COL11A1: variants seen among roughly 807,000 people sequenced by gnomAD.
COL11A1 encodes collagen type XI alpha 1 chain.
Under a neutral mutation model 265.2 loss-of-function variants are expected in COL11A1, and 74 were observed. That is an observed-to-expected ratio of 0.28 (90% CI 0.23 to 0.34). The LOEUF (loss-of-function observed/expected upper bound fraction) is 0.34. Among genes scored for constraint, COL11A1 ranks in the 10% least tolerant of loss-of-function variants. COL11A1 has a pLI of 1.00. For synonymous variants in COL11A1, 816 were observed against 727.6 expected (o/e 1.12, Z -1.96); for missense variants, 2,165 against 2,263.6 (o/e 0.96, Z 0.88).
intron 4 of COL11A1, among the ~76,000 whole-genome samples, chr1:103,057,534 A>T (rs921105110): frequency 8.5e-5 from 13 of 152,198 alleles, no homozygotes; most frequent in Non-Finnish European, 1.5e-5. Context: ...CAGATTCATC[A>T]TAGGAATCAC....
At chr1:102,887,855 G>T (rs1457157290) in intron 62 of COL11A1, among the ~76,000 whole-genome samples, 1 of 152,118 alleles carries the variant, frequency 6.6e-6, no homozygotes, top group African/African-American at 2.4e-5. Flanking sequence ...AAGAGACACA[G>T]GGGAAAGACA....
intron 42 of COL11A1, among the ~76,000 whole-genome samples, chr1:102,944,128 T>A (rs567958941): frequency 6.6e-6 from 1 of 152,274 alleles, no homozygotes; most frequent in East Asian, 1.9e-4. Flanking sequence ...AGGTCACATC[T>A]TGCCTTTCTT....
In COL11A1 at chr1:102,876,921, A is replaced by G. The variant is rs968241754; in HGVS notation, c.*1098T>C. 3 of 152,472 alleles carry G rather than the reference A, an allele frequency of 2.0e-5. No individual in the cohort carries two copies. Among genetic ancestry groups the G allele is most frequent in the Admixed American group, 2.0e-4 (3 of 15,254 alleles). 9.4% of individuals were successfully genotyped at this position (152,472 alleles called of 1,614,324 possible). A position where few individuals can be genotyped will look rare whatever the true frequency, so the allele number is the denominator to read the frequency against. ...TATAAAATTATCTTGAAAGGAAAAA[A>G]GTAATATTTGTTGGGCAAGTAAAAT... On this transcript the variant is annotated 3_prime_UTR_variant, in exon 67 of 67. Transcript: ENST00000370096.
intron 53 of COL11A1, among the ~76,000 whole-genome samples, 178 bp downstream of exon 53, chr1:102,913,456 TAAG>T (rs1475744137): frequency 6.6e-6 from 1 of 152,128 alleles, no homozygotes; most frequent in African/African-American, 2.4e-5. Flanking sequence ...TTACATCAAA[TAAG>T]AAACACTCCA....
intron 41 of COL11A1, among the ~76,000 whole-genome samples, chr1:102,951,754 TAAAATAAA>T (rs1044669831): frequency 2.3e-4 from 23 of 101,250 alleles, no homozygotes; most frequent in African/African-American, 9.3e-4. Context: ...AAAAATAAAA[TAAAATAAA>T]ATAAAATAAA....
intron 57 of COL11A1, among the ~76,000 whole-genome samples, chr1:102,892,289 A>G (rs925652660): frequency 3.3e-5 from 5 of 152,140 alleles, no homozygotes; most frequent in Admixed American, 6.6e-5. Flanking sequence ...ATCATGAGTC[A>G]CCACTATTGT....
At chr1:103,086,456 G>T (rs894601312) in intron 1 of COL11A1, among the ~76,000 whole-genome samples, 1 of 152,078 alleles carries the variant, frequency 6.6e-6, no homozygotes, top group Admixed American at 6.5e-5. Context: ...TTGCTCTGTT[G>T]CCCAGGCTGG....
At chr1:102,904,514 A>C (rs1381611237) in intron 54 of COL11A1, among the ~76,000 whole-genome samples, 1 of 152,038 alleles carries the variant, frequency 6.6e-6, no homozygotes, top group Non-Finnish European at 1.5e-5. Context: ...CAATGAACTC[A>C]AACAAATTTA....
At chr1:102,895,126 A>G (rs1652257633) in intron 57 of COL11A1, among the ~76,000 whole-genome samples, 1 of 152,204 alleles carries the variant, frequency 6.6e-6, no homozygotes, top group South Asian at 2.1e-4. Flanking sequence ...TAAATACTAT[A>G]TCACATCTGA....
chr1:103,016,219 A>G (rs1219972870), intron 11 of COL11A1, among the ~76,000 whole-genome samples: 1 of 151,956 alleles, frequency 6.6e-6, no homozygotes, highest in Non-Finnish European at 1.5e-5. Flanking sequence ...ACTATATTTT[A>G]ATAGACAATA....
At chr1:102,977,281 T>C (rs1411980767) in intron 35 of COL11A1, among the ~76,000 whole-genome samples, 1 of 152,144 alleles carries the variant, frequency 6.6e-6, no homozygotes, top group Non-Finnish European at 1.5e-5. Context: ...AAATGTCTCA[T>C]CAACCACAAG....
chr1:102,886,366 C>T (rs886775006), intron 63 of COL11A1, among the ~76,000 whole-genome samples: 5 of 152,116 alleles, frequency 3.3e-5, no homozygotes, highest in African/African-American at 4.8e-5. Context: ...AAATCATTGC[C>T]AAACTGATAG....
intron 15 of COL11A1, among the ~76,000 whole-genome samples, chr1:103,007,251 T>C (rs1231013777): frequency 6.6e-6 from 1 of 152,168 alleles, no homozygotes; most frequent in Non-Finnish European, 1.5e-5. Context: ...CCATACTATG[T>C]CAGATTAAAG....
intron 6 of COL11A1, chr1:103,025,883 AC>A (rs764728668): frequency 1.2e-6 from 2 of 1,612,998 alleles, no homozygotes; most frequent in African/African-American, 2.7e-5. Flanking sequence ...GGGGGTGTAA[AC>A]TTTTTGGATT....
At chr1:103,030,556 CA>C (rs35873874) in intron 5 of COL11A1, among the ~76,000 whole-genome samples, 9,174 of 142,876 alleles carry the variant, frequency 0.064, 302 homozygotes, top group Non-Finnish European at 0.082. Context: ...ATTCAAAATC[CA>C]AAAAAAAAAA....
At chr1:103,048,223 C>T (rs1669474048) in intron 4 of COL11A1, among the ~76,000 whole-genome samples, 2 of 152,106 alleles carry the variant, frequency 1.3e-5, no homozygotes, top group African/African-American at 4.8e-5. Context: ...GCTGTGAATC[C>T]ATCTGGTCCT....
intron 28 of COL11A1, among the ~76,000 whole-genome samples, chr1:102,994,734 T>A (rs1177846242): frequency 2.0e-5 from 3 of 152,074 alleles, no homozygotes; most frequent in Non-Finnish European, 4.4e-5. Context: ...TGTATGAAAT[T>A]TTGTAGTAAG....
chr1:103,018,872 A>T lies in COL11A1; in HGVS notation c.1309-13T>A. 6.2e-7 allele frequency: 1 copy of T among 1,610,142 alleles called. No homozygotes were observed. Among genetic ancestry groups the T allele is most frequent in the Admixed American group, 1.7e-5 (1 of 59,980 alleles). ...CGACAAGCATACCCTATAACAGGAA[A>T]AGAGAACATCTCTACCAGGGAAATA... is the stretch of plus-strand genomic sequence containing the variant. On this transcript the variant is annotated splice_polypyrimidine_tract_variant and intron_variant, in intron 9 of 66. Transcript: ENST00000370096.
chr1:102,876,637 C>T lies in COL11A1; in HGVS notation c.*1382G>A, dbSNP rs1280691276. The T allele has an allele frequency of 6.6e-6, 1 of 152,354 alleles. No individual in the cohort carries two copies. Among genetic ancestry groups the T allele is most frequent in the Non-Finnish European group, 1.5e-5 (1 of 67,896 alleles). 9.4% of individuals were successfully genotyped at this position (152,354 alleles called of 1,614,324 possible). A position where few individuals can be genotyped will look rare whatever the true frequency, so the allele number is the denominator to read the frequency against. On this transcript the variant is annotated 3_prime_UTR_variant, in exon 67 of 67. Transcript: ENST00000370096. The stretch of plus-strand genomic sequence containing the variant: ...TCATAAATTATCAGTTGAAACTGTT[C>T]CAGTGAAATCTGGTATCAATTAATT...
Sources: allele counts gnomAD v4.1 joint callset (sites outside exome capture counted in the v4.1 genomes callset), GRCh38; gene constraint gnomAD v4.1.1; transcripts MANE v1.5; gene names NCBI Gene and HGNC (gene_info 2026-07-23, HGNC 2026-07-21).